Variants in TBCK observed in about 807,000 individuals in gnomAD.
TBCK encodes the protein TBC domain-containing protein kinase-like protein.
In TBCK, 99 loss-of-function variants were observed where a neutral mutation model predicts 113.4. The ratio of observed to expected loss-of-function variants is 0.87; its 90% CI spans 0.74 to 1.03. The LOEUF (loss-of-function observed/expected upper bound fraction) is 1.03. Among genes scored for constraint, TBCK ranks in the 50% least tolerant of loss-of-function variants. TBCK has a pLI of 0.00. For missense variants in TBCK, 1,045 were observed against 1,061.3 expected, an observed-to-expected ratio of 0.98 and a Z score of 0.21; for synonymous variants, 369 against 370.8, an observed-to-expected ratio of 1.00 and a Z score of 0.05.
chr4:106,224,300 G>T (rs187153574), intron 19 of TBCK, among the ~76,000 whole-genome samples: 5 of 116,728 alleles, frequency 4.3e-5, no homozygotes, highest in Admixed American at 1.0e-4. Flanking sequence ...TTCTATTAGC[G>T]TATAGTAATA....
intron 3 of TBCK, among the ~76,000 whole-genome samples, chr4:106,290,884 C>T (rs73839408): frequency 0.018 from 2,780 of 152,258 alleles, 77 homozygotes; most frequent in African/African-American, 0.061. Flanking sequence ...ATCAGGGTTG[C>T]GGGCTCCTTA....
At chr4:106,301,014 G>C (rs1171049199) in intron 2 of TBCK, among the ~76,000 whole-genome samples, 3 of 152,032 alleles carry the variant, frequency 2.0e-5, no homozygotes, top group Admixed American at 6.6e-5. Flanking sequence ...TCCAACTGTG[G>C]ATGACAGCTT....
chr4:106,219,137 G>A (rs1194050695), intron 19 of TBCK, among the ~76,000 whole-genome samples: 8 of 145,104 alleles, frequency 5.5e-5, no homozygotes, highest in Admixed American at 1.4e-4. Context: ...ACCAAACACC[G>A]CATATTCTCA....
intron 25 of TBCK, among the ~76,000 whole-genome samples, chr4:106,088,409 C>T (rs761952456): frequency 2.7e-4 from 41 of 152,138 alleles, no homozygotes; most frequent in Admixed American, 1.7e-3. Context: ...TACTATTTCA[C>T]GCCAGTCAAA....
At chr4:106,188,510 T>C (rs539917270) in intron 22 of TBCK, among the ~76,000 whole-genome samples, 1 of 152,274 alleles carries the variant, frequency 6.6e-6, no homozygotes, top group South Asian at 2.1e-4. Context: ...ATCTAAACTA[T>C]AAGATAATTT....
intron 23 of TBCK, among the ~76,000 whole-genome samples, chr4:106,153,814 C>T (rs559872826): frequency 1.2e-4 from 18 of 152,036 alleles, no homozygotes; most frequent in Admixed American, 2.6e-4. Flanking sequence ...TGACTTTCTT[C>T]GTCTCTTCTT....
chr4:106,191,125 C>T (rs1257893322), intron 22 of TBCK, among the ~76,000 whole-genome samples: 2 of 152,086 alleles, frequency 1.3e-5, no homozygotes, highest in African/African-American at 4.8e-5. Context: ...TCATTATTCC[C>T]TAAACAATAC....
chr4:106,070,403 T>A (rs1052485472), intron 25 of TBCK, among the ~76,000 whole-genome samples: 1 of 152,206 alleles, frequency 6.6e-6, no homozygotes, highest in Admixed American at 6.5e-5. Context: ...GATAATCATG[T>A]GGTTTTTGTC....
chr4:106,184,612 C>T (rs998940066), intron 22 of TBCK, among the ~76,000 whole-genome samples: 3 of 151,902 alleles, frequency 2.0e-5, no homozygotes, highest in Non-Finnish European at 4.4e-5. Context: ...TATATAGATA[C>T]ACCCACTCCT....
intron 22 of TBCK, among the ~76,000 whole-genome samples, chr4:106,175,377 T>A (rs939566375): frequency 1.7e-4 from 24 of 143,920 alleles, no homozygotes; most frequent in Non-Finnish European, 2.4e-4. Flanking sequence ...TTTTTTTTTT[T>A]ATGTGGGCTG....
rs1368313901 is a variant in TBCK, at chr4:106,116,255, T to A, written c.2359A>T (p.Thr787Ser). 3.1e-6 allele frequency: 5 copies of A among 1,614,114 alleles called. No individual in the cohort carries two copies. Among genetic ancestry groups the A allele is most frequent in the Non-Finnish European group, 4.2e-6 (5 of 1,180,024 alleles). Residue 787 changes from threonine (T) to serine (S), a missense_variant, in exon 24 of 26, where the codon ACA (threonine) becomes TCA (serine). Coordinates refer to ENST00000394708, the MANE Select transcript of TBCK (RefSeq NM_001163435.3). ...TGHFKTPSKK[T>S]KSSKPKLLVV... ...AGGAGCTTTGGTTTACTGGACTTTG[T>A]TTTCTTGCTGGGTGTTTTGAAGTGG...
intron 25 of TBCK, among the ~76,000 whole-genome samples, chr4:106,093,493 C>T (rs931986523): frequency 5.3e-5 from 8 of 152,112 alleles, no homozygotes; most frequent in South Asian, 2.1e-4. Flanking sequence ...GGCGAAAGGG[C>T]GAGACTCGTC....
chr4:106,119,459 T>C (rs1743977850), intron 23 of TBCK, among the ~76,000 whole-genome samples: 1 of 152,036 alleles, frequency 6.6e-6, no homozygotes, highest in Non-Finnish European at 1.5e-5. Flanking sequence ...TGAATATCTA[T>C]ATGCAGAAAA....
At chr4:106,125,567 A>C (rs1745096168) in intron 23 of TBCK, among the ~76,000 whole-genome samples, 1 of 152,208 alleles carries the variant, frequency 6.6e-6, no homozygotes. Flanking sequence ...AAATGGATGG[A>C]ATTGGAGGTC....
intron 19 of TBCK, 116 bp downstream of exon 19, chr4:106,230,247 G>T: frequency 2.0e-6 from 1 of 500,284 alleles, no homozygotes. Flanking sequence ...GGATTTTATT[G>T]GATGGACCAT....
intron 22 of TBCK, among the ~76,000 whole-genome samples, chr4:106,179,125 T>C (rs1040141151): frequency 2.0e-5 from 3 of 152,054 alleles, no homozygotes; most frequent in African/African-American, 7.2e-5. Context: ...TTTTATTTAT[T>C]TGGGCCTAGT....
chr4:106,064,772 T>G (rs1306273036), intron 25 of TBCK, among the ~76,000 whole-genome samples: 1 of 152,018 alleles, frequency 6.6e-6, no homozygotes, highest in East Asian at 1.9e-4. Context: ...ATAAAAACAC[T>G]AATTGGAGCT....
upstream of TBCK, chr4:106,316,469 G>C (rs921135966): frequency 4.5e-5 from 63 of 1,400,900 alleles, no homozygotes; most frequent in African/African-American, 8.3e-4. Flanking sequence ...GGTTGAATCT[G>C]TAGAACACTC....
chr4:106,249,723 T>C (rs942825230), intron 7 of TBCK, among the ~76,000 whole-genome samples: 6 of 152,162 alleles, frequency 3.9e-5, no homozygotes, highest in Non-Finnish European at 7.4e-5. Context: ...TATCAATCTT[T>C]GTAATTAAAT....
Sources: allele counts gnomAD v4.1 joint callset (sites outside exome capture counted in the v4.1 genomes callset), GRCh38; gene constraint gnomAD v4.1.1; transcripts MANE v1.5; gene names NCBI Gene and HGNC (gene_info 2026-07-23, HGNC 2026-07-21).